The following VSIG1 variants were observed in gnomAD, a reference collection of about 807,000 sequenced individuals.
VSIG1 encodes the protein V-set and immunoglobulin domain containing 1, also known as V-set and immunoglobulin domain-containing protein 1.
VSIG1 carries 11 observed loss-of-function variants against 20.1 expected under a neutral mutation model. That is an observed-to-expected ratio of 0.55 (90% CI 0.34 to 0.91). VSIG1 has a LOEUF of 0.91. VSIG1 is among the 40% of genes least tolerant of loss of function. The pLI is 0.02. For missense variants in VSIG1, 283 were observed against 298.8 expected, an observed-to-expected ratio of 0.95 and a Z score of 0.39; for synonymous variants, 126 against 116.7, an observed-to-expected ratio of 1.08 and a Z score of -0.52.
At chrX:108,024,873 A>G in the VSIG1 span, among the ~76,000 whole-genome samples, 1 of 111,428 alleles carries the variant, frequency 9.0e-6, no homozygotes, top group African/African-American at 3.3e-5. Flanking sequence ...TTACTATGTG[A>G]CTTATCTTGG....
chrX:108,044,091 C>T (rs2030521465), upstream of VSIG1, among the ~76,000 whole-genome samples: 1 of 111,668 alleles, frequency 9.0e-6, no homozygotes, highest in African/African-American at 3.3e-5. Flanking sequence ...ACTTAGGAAG[C>T]TGCTATGATA....
chrX:108,062,720 A>G (rs1415641932), intron 2 of VSIG1, among the ~76,000 whole-genome samples: 1 of 111,408 alleles, frequency 9.0e-6, no homozygotes, highest in Non-Finnish European at 1.9e-5. Flanking sequence ...ATACAGTCCA[A>G]ATAAAATTCT....
At chrX:108,075,572 A>C (rs1300377537) in intron 5 of VSIG1, among the ~76,000 whole-genome samples, 2 of 111,553 alleles carry the variant, frequency 1.8e-5, no homozygotes, top group African/African-American at 6.5e-5. Flanking sequence ...GCTCAGCTGG[A>C]TAATGTCCCA....
the VSIG1 span, among the ~76,000 whole-genome samples, chrX:108,038,320 A>G: frequency 2.7e-5 from 3 of 110,864 alleles, no homozygotes; most frequent in Non-Finnish European, 5.7e-5. Context: ...CTCATTGTTC[A>G]ACTCCCACTT....
Position 108,078,234 on chromosome X carries a change from A to G in VSIG1, c.*853A>G, listed in dbSNP as rs1036694395. The G allele has an allele frequency of 1.8e-5, 2 of 112,046 alleles. No homozygotes were observed. Among genetic ancestry groups the G allele is most frequent in the Non-Finnish European group, 3.8e-5 (2 of 53,231 alleles). 9.2% of individuals were successfully genotyped at this position (112,046 alleles called of 1,213,427 possible). A position where few individuals can be genotyped will look rare whatever the true frequency, so the allele number is the denominator to read the frequency against. On this transcript the variant is annotated 3_prime_UTR_variant, in exon 7 of 7. Transcript: ENST00000217957. ...GTAGCATTTAAAATCAGGTCTTATA[A>G]TTAATGCTTCATTCCTCATATTAGA...
At position 108,076,323 on chromosome X, in the gene VSIG1, G is replaced by A. The variant is rs886629154; in HGVS notation, c.830+105G>A. 2.2e-5 allele frequency: 20 copies of A among 909,627 alleles called. No individual in the cohort carries two copies. In the Admixed American group the frequency reaches 3.4e-4, roughly 15 times the overall value. 75.0% of individuals were successfully genotyped at this position (909,627 alleles called of 1,213,427 possible). ...CTCCTTTTAGTATAAGATATCAGAG[G>A]TATCTTTCTGTTTACTCTCATTGAA... On this transcript the variant is annotated intron_variant, in intron 6 of 6. Coordinates refer to ENST00000217957, the MANE Select transcript of VSIG1 (RefSeq NM_182607.5).
In VSIG1 at chrX:108,078,265, C is replaced by T. The variant is rs901469478; in HGVS notation, c.*884C>T. 9.0e-6 allele frequency: 1 copy of T among 111,691 alleles called. No homozygotes were observed. The highest frequency in any genetic ancestry group is 3.8e-4 in the South Asian group (1 of 2,636). The allele number at this position is 111,691 out of a possible 1,213,427, so 9.2% of individuals were successfully genotyped here. A position where few individuals can be genotyped will look rare whatever the true frequency, so the allele number is the denominator to read the frequency against. On this transcript the variant is annotated 3_prime_UTR_variant, in exon 7 of 7. Coordinates refer to ENST00000217957, the MANE Select transcript of VSIG1 (RefSeq NM_182607.5). ...GCTTCATTCCTCATATTAGATTTCC[C>T]AAGAAATCACCCTGGTATCCAATAT...
the VSIG1 span, among the ~76,000 whole-genome samples, chrX:108,031,722 T>C: frequency 8.9e-6 from 1 of 112,618 alleles, no homozygotes; most frequent in Non-Finnish European, 1.9e-5. Flanking sequence ...TTTATAGTGT[T>C]TTTGTTGTTT....
chrX:108,063,179 T>A (rs2031062200), intron 2 of VSIG1, among the ~76,000 whole-genome samples: 1 of 111,631 alleles, frequency 9.0e-6, no homozygotes, highest in Non-Finnish European at 1.9e-5. Context: ...GGAAGCATCA[T>A]GCCAATAAAT....
intron 2 of VSIG1, among the ~76,000 whole-genome samples, chrX:108,066,302 C>G (rs2031123543): frequency 9.0e-6 from 1 of 111,150 alleles, no homozygotes; most frequent in African/African-American, 3.3e-5. Flanking sequence ...CTGAGCACTT[C>G]CGAGGTCCTT....
chrX:108,039,062 C>A, the VSIG1 span, among the ~76,000 whole-genome samples: 1 of 111,664 alleles, frequency 9.0e-6, no homozygotes, highest in Non-Finnish European at 1.9e-5. Context: ...ACAAAGGGCA[C>A]TGGAATTGAC....
chrX:108,022,917 T>C, the VSIG1 span, among the ~76,000 whole-genome samples: 1 of 111,761 alleles, frequency 8.9e-6, no homozygotes, highest in South Asian at 3.8e-4. Flanking sequence ...TTCCTCCCTC[T>C]CTCACCATGT....
chrX:108,054,803 T>C (rs962009013), intron 1 of VSIG1, among the ~76,000 whole-genome samples: 1 of 109,540 alleles, frequency 9.1e-6, no homozygotes, highest in Non-Finnish European at 1.9e-5. Context: ...ATATGTACCA[T>C]GTAGATAAAG....
At chrX:108,030,756 T>C in the VSIG1 span, among the ~76,000 whole-genome samples, 1 of 111,663 alleles carries the variant, frequency 9.0e-6, no homozygotes, top group African/African-American at 3.3e-5. Flanking sequence ...GTTGGAATGG[T>C]TGGAAATTGT....
At chrX:108,045,242 A>AGGAATTTTTTATTTTT in intron 1 of VSIG1, 63 bp downstream of exon 1, 1 of 995,646 alleles carries the variant, frequency 1.0e-6, no homozygotes, top group South Asian at 2.4e-5. Flanking sequence ...TTAAATAAAA[A>AGGAATTTTTTATTTTT]TTCCACATTT....
At chrX:108,065,480 T>A (rs1480984511) in intron 2 of VSIG1, among the ~76,000 whole-genome samples, 1 of 111,818 alleles carries the variant, frequency 8.9e-6, no homozygotes, top group Non-Finnish European at 1.9e-5. Flanking sequence ...ACAATAACAA[T>A]CACTTGAATA....
At chrX:108,057,858 C>T (rs779896268) in intron 1 of VSIG1, among the ~76,000 whole-genome samples, 180 bp from the exon 2 acceptor site, 14 of 111,605 alleles carry the variant, frequency 1.3e-4, no homozygotes, top group Non-Finnish European at 1.9e-4. Context: ...TTGTTAGAAA[C>T]TCTCCTCCCA....
intron 1 of VSIG1, among the ~76,000 whole-genome samples, chrX:108,052,217 G>T (rs113329664): frequency 9.0e-6 from 1 of 111,003 alleles, no homozygotes; most frequent in Non-Finnish European, 1.9e-5. Context: ...ACTTATCCAC[G>T]TAACCAAACA....
At chrX:108,038,906 A>G in the VSIG1 span, among the ~76,000 whole-genome samples, 1 of 111,843 alleles carries the variant, frequency 8.9e-6, no homozygotes, top group Non-Finnish European at 1.9e-5. Flanking sequence ...TATTATTTAT[A>G]TAGTCAGCAT....
Sources: gnomAD v4.1 joint callset for allele counts (sites outside exome capture counted in the v4.1 genomes callset) on GRCh38, gnomAD v4.1.1 for gene constraint, MANE v1.5 for transcripts, NCBI Gene and HGNC (gene_info 2026-07-23, HGNC 2026-07-21) for gene names.